The following FANCC variants were observed in gnomAD, a reference collection of about 807,000 sequenced individuals.
FANCC encodes the protein FA complementation group C, also known as Fanconi anemia group C protein.
In FANCC, 55 loss-of-function variants were observed where a neutral mutation model predicts 71.3. That is an observed-to-expected ratio of 0.77 (90% CI 0.62 to 0.97). FANCC has a LOEUF of 0.97. Among genes scored for constraint, FANCC ranks in the 50% least tolerant of loss-of-function variants. The pLI, the probability that FANCC is intolerant of heterozygous loss-of-function variation, is 0.00. For synonymous variants in FANCC, 275 were observed against 244.9 expected (o/e 1.12, Z -1.15); for missense variants, 678 against 670.9 (o/e 1.01, Z -0.12).
chr9:95,272,160 G>A (rs151069867), intron 1 of FANCC, among the ~76,000 whole-genome samples: 245 of 151,380 alleles, frequency 1.6e-3, no homozygotes, highest in African/African-American at 5.6e-3. Flanking sequence ...GGATGGTCTC[G>A]ATCTCCTGAC....
intron 7 of FANCC, among the ~76,000 whole-genome samples, chr9:95,140,497 A>AAAACC (rs1373906844): frequency 3.3e-5 from 5 of 150,454 alleles, no homozygotes; most frequent in South Asian, 2.1e-4. Flanking sequence ...AAAACAAAAC[A>AAAACC]AAACCAGAAT....
chr9:95,157,621 G>A (rs1363232749), intron 6 of FANCC, among the ~76,000 whole-genome samples: 1 of 152,176 alleles, frequency 6.6e-6, no homozygotes, highest in Non-Finnish European at 1.5e-5. Flanking sequence ...GTGCTGCTCT[G>A]GCAACCAGTC....
chr9:95,124,956 C>T, intron 10 of FANCC, 130 bp downstream of exon 10: 1 of 787,652 alleles, frequency 1.3e-6, no homozygotes, highest in Admixed American at 2.0e-5. Flanking sequence ...TTGGGGCACT[C>T]ATTAGGAACC....
At chr9:95,136,540 G>C (rs1250156420) in intron 7 of FANCC, among the ~76,000 whole-genome samples, 1 of 151,834 alleles carries the variant, frequency 6.6e-6, no homozygotes, top group Non-Finnish European at 1.5e-5. Context: ...AGGCTAGAGT[G>C]CAATGGTGTG....
In FANCC at chr9:95,107,279, A is replaced by G. The variant is rs1386511892; in HGVS notation, c.1330-10T>C. 1 of 1,612,820 alleles carries G rather than the reference A, an allele frequency of 6.2e-7. No homozygotes were observed. Among genetic ancestry groups the G allele is most frequent in the Non-Finnish European group, 8.5e-7 (1 of 1,179,574 alleles). On this transcript the variant is annotated splice_polypyrimidine_tract_variant and intron_variant, in intron 13 of 14. Coordinates refer to ENST00000289081, the MANE Select transcript of FANCC (RefSeq NM_000136.3). ...CGGCCTTCACCTGGACCTGGGCAAT[A>G]GTATTTCACAGGGGAGAGGTTAGGA...
chr9:95,114,018 T>G (rs1011715980), intron 12 of FANCC: 2 of 161,628 alleles, frequency 1.2e-5, no homozygotes, highest in African/African-American at 4.8e-5. Context: ...GCGCAGGAAT[T>G]TGAGGCTACA....
At chr9:95,109,611 C>G (rs973368207) in intron 13 of FANCC, 1 of 152,182 alleles carries the variant, frequency 6.6e-6, no homozygotes, top group Admixed American at 6.5e-5. Context: ...GTGGGACAGG[C>G]CTTCTCACAG....
intron 4 of FANCC, among the ~76,000 whole-genome samples, chr9:95,204,838 A>C (rs570342205): frequency 6.6e-6 from 1 of 152,332 alleles, no homozygotes; most frequent in African/African-American, 2.4e-5. Context: ...CTCCTCTGCC[A>C]CAGGGTCCCA....
chr9:95,288,625 G>A (rs148370134), intron 1 of FANCC, among the ~76,000 whole-genome samples: 1 of 152,196 alleles, frequency 6.6e-6, no homozygotes, highest in East Asian at 1.9e-4. Flanking sequence ...GGCCCCTGAC[G>A]TCTTGGTTAC....
At chr9:95,107,330 G>A in intron 13 of FANCC, 61 bp from the exon 14 acceptor site, 1 of 1,543,344 alleles carries the variant, frequency 6.5e-7, no homozygotes, top group East Asian at 2.3e-5. Flanking sequence ...ATACTTCTAG[G>A]ATTTATTTAT....
At chr9:95,232,117 G>A (rs1417026817) in intron 4 of FANCC, among the ~76,000 whole-genome samples, 1 of 152,192 alleles carries the variant, frequency 6.6e-6, no homozygotes, top group African/African-American at 2.4e-5. Context: ...GGTGAAGGGG[G>A]AGCAGGCATG....
At chr9:95,113,648 G>T (rs4744444) in intron 12 of FANCC, 33,145 of 149,454 alleles carry the variant, frequency 0.22, 4,775 homozygotes, top group Non-Finnish European at 0.32. Flanking sequence ...TTTTGGAGAC[G>T]GAGTCTTACT....
chr9:95,129,565 G>A (rs1341385990), intron 8 of FANCC, among the ~76,000 whole-genome samples: 1 of 152,162 alleles, frequency 6.6e-6, no homozygotes, highest in Non-Finnish European at 1.5e-5. Context: ...CATGACTGCG[G>A]CCATTATCTT....
In FANCC at chr9:95,099,828, G is replaced by A. The variant is rs192262179; in HGVS notation, c.*1879C>T. On this transcript the variant is annotated 3_prime_UTR_variant, in exon 15 of 15. Coordinates refer to ENST00000289081, the MANE Select transcript of FANCC (RefSeq NM_000136.3). Reference sequence around the variant, plus strand: ...GCCGAGGTCAGGGCTTCCAGGCTAGGAAGAAGTCTTCCAGATGCCTAGCTT... The same window carrying A: ...GCCGAGGTCAGGGCTTCCAGGCTAGAAAGAAGTCTTCCAGATGCCTAGCTT... The A allele has an allele frequency of 1.1e-3, 260 of 232,908 alleles. No homozygotes were observed. Among genetic ancestry groups the A allele is most frequent in the Non-Finnish European group, 1.8e-3 (217 of 117,896 alleles). 14.4% of individuals were successfully genotyped at this position (232,908 alleles called of 1,614,324 possible). A position where few individuals can be genotyped will look rare whatever the true frequency, so the allele number is the denominator to read the frequency against.
rs1164394311 is a variant in FANCC, at chr9:95,258,495, C to T, written c.-78-9126G>A. ...CCTTCGATAAAATGCAACATCCCTTCATGCTAAAAACTCTCAATAAACTAG... is the reference window on the plus strand; with the variant it reads ...CCTTCGATAAAATGCAACATCCCTTTATGCTAAAAACTCTCAATAAACTAG... On this transcript the variant is annotated intron_variant, in intron 1 of 14. Coordinates refer to ENST00000289081, the MANE Select transcript of FANCC (RefSeq NM_000136.3). 4.6e-5 allele frequency among the ~76,000 whole-genome samples: 7 copies of T among 152,186 alleles called. No homozygotes were observed. In the East Asian group the frequency reaches 1.3e-3, roughly 29 times the overall value.
At chr9:95,271,554 T>C (rs1013270601) in intron 1 of FANCC, among the ~76,000 whole-genome samples, 5 of 152,152 alleles carry the variant, frequency 3.3e-5, no homozygotes, top group Non-Finnish European at 5.9e-5. Flanking sequence ...GCCATGTCAG[T>C]TTTCACACTT....
chr9:95,225,287 A>C (rs879201262), intron 4 of FANCC, among the ~76,000 whole-genome samples: 1 of 152,206 alleles, frequency 6.6e-6, no homozygotes, highest in Admixed American at 6.5e-5. Context: ...TCACTGTTTA[A>C]ATTTACTTTT....
At chr9:95,294,611 T>G (rs1471230846) in intron 1 of FANCC, 8 of 1,564,618 alleles carry the variant, frequency 5.1e-6, no homozygotes, top group African/African-American at 1.4e-5. Context: ...GAAAGCAAAG[T>G]TCAGTTGAAC....
chr9:95,139,092 G>A (rs776056450), intron 7 of FANCC, among the ~76,000 whole-genome samples: 2 of 152,140 alleles, frequency 1.3e-5, no homozygotes, highest in East Asian at 1.9e-4. Context: ...GAATTTGGCC[G>A]AGCCAACATA....
Sources: allele counts gnomAD v4.1 joint callset (sites outside exome capture counted in the v4.1 genomes callset), GRCh38; gene constraint gnomAD v4.1.1; transcripts MANE v1.5; gene names NCBI Gene and HGNC (gene_info 2026-07-23, HGNC 2026-07-21).